Variants in SACS observed in about 807,000 individuals in gnomAD.
The protein encoded by SACS is sacsin.
SACS carries 197 observed loss-of-function variants against 348.0 expected under a neutral mutation model. That is an observed-to-expected ratio of 0.57 (90% CI 0.50 to 0.64). The LOEUF (loss-of-function observed/expected upper bound fraction) is 0.64, where lower values mean the gene tolerates loss of function less well. Ranked by LOEUF, SACS falls within the 30% of genes least tolerant of loss-of-function variation. The pLI is 0.00. For missense variants in SACS, 4,999 were observed against 5,360.8 expected (o/e 0.93, Z 2.11); for synonymous variants, 1,985 against 1,910.6 (o/e 1.04, Z -1.02).
rs766046681 is a variant in SACS, at chr13:23,334,776, C to A, written c.9100G>T (p.Glu3034Ter). ...TCTGCATTTTTAAGGTGTTGTAATT[C>A]ATCCTGTAGTAAATTGTCAAAAAAT... ...RPFFDNLLQD[E>*]LQHLKNADYN... is the part of the protein sequence containing the mutation. The change falls in exon 10 of 10, where the codon GAA becomes TAA. Residue 3034 changes from glutamate to a stop codon, truncating the protein, a stop_gained. Transcript: ENST00000382292. LOFTEE classifies it high-confidence loss of function. 1 of 1,613,710 alleles carries A rather than the reference C, an allele frequency of 6.2e-7. No individual in the cohort carries two copies. The highest frequency in any genetic ancestry group is 2.2e-5 in the East Asian group (1 of 44,868).
In SACS at chr13:23,375,239, G is replaced by A. The variant is rs763979020; in HGVS notation, c.51C>T (p.Cys17=). 150 of 1,483,422 alleles carry A rather than the reference G, an allele frequency of 1.0e-4. No individual in the cohort carries two copies. The highest frequency in any genetic ancestry group is 1.1e-4 in the Non-Finnish European group (119 of 1,114,638). The allele number at this position is 1,483,422 out of a possible 1,614,324, so 91.9% of individuals were successfully genotyped here. A position where few individuals can be genotyped will look rare whatever the true frequency, so the allele number is the denominator to read the frequency against. Residue 17 remains cysteine (C), a synonymous_variant, in exon 3 of 10, where the codon TGC becomes TGT. Transcript: ENST00000382292. ...GCGCCGCGACGGTCCTGCAGCCCAC[G>A]CAGCCGGGGAGCACGGTCACCGGGA... ...RWVPVTVLPG[C]VGCRTVAALA...
chr13:23,389,034 G>C (rs1262850316), intron 2 of SACS, among the ~76,000 whole-genome samples: 1 of 152,078 alleles, frequency 6.6e-6, no homozygotes, highest in Non-Finnish European at 1.5e-5. Flanking sequence ...GCATGGAGCT[G>C]AATGTCTTAC....
chr13:23,364,411 G>A (rs1870934507), intron 6 of SACS, among the ~76,000 whole-genome samples: 1 of 151,774 alleles, frequency 6.6e-6, no homozygotes, highest in Admixed American at 6.6e-5. Flanking sequence ...CTCCTGAGTA[G>A]CTGGGATTAC....
chr13:23,334,166 T>C lies in SACS; in HGVS notation c.9710A>G (p.Asn3237Ser), dbSNP rs746736867. 3.7e-6 allele frequency: 6 copies of C among 1,613,778 alleles called. No homozygotes were observed. Among genetic ancestry groups the C allele is most frequent in the South Asian group, 3.3e-5 (3 of 91,072 alleles). Residue 3237 changes from asparagine to serine, a missense_variant, in exon 10 of 10, where the codon AAT (asparagine) becomes AGT (serine). Transcript: ENST00000382292. ...CTTAAGCCAAGACTCACTTGCAAAA[T>C]TGTCTTTCCACTTTGTGCAACTTTT... Reference protein sequence around the residue: ...KTKSCTKWKDNFASESWLKNA... With the variant: ...KTKSCTKWKDSFASESWLKNA...
At chr13:23,414,211 G>A (rs1419856397) in intron 1 of SACS, among the ~76,000 whole-genome samples, 3 of 152,224 alleles carry the variant, frequency 2.0e-5, no homozygotes, top group Non-Finnish European at 2.9e-5. Flanking sequence ...GGCTGAGGCA[G>A]GAGAATGGTG....
intron 2 of SACS, among the ~76,000 whole-genome samples, chr13:23,407,960 A>G (rs1873306182): frequency 6.6e-6 from 1 of 152,158 alleles, no homozygotes; most frequent in African/African-American, 2.4e-5. Flanking sequence ...TTTTCCATGC[A>G]GTGACCCCTC....
intron 1 of SACS, among the ~76,000 whole-genome samples, chr13:23,417,450 A>G (rs151335342): frequency 2.0e-3 from 309 of 152,348 alleles, no homozygotes; most frequent in African/African-American, 7.1e-3. Context: ...CAAAGAGAGT[A>G]AAAGGCTCAG....
chr13:23,375,509 A>G (rs1042409786), intron 2 of SACS: 205 of 1,123,532 alleles, frequency 1.8e-4, no homozygotes, highest in Non-Finnish European at 2.2e-4. Flanking sequence ...GCCGAGGAGG[A>G]AACGCTAGAG....
At chr13:23,430,986 C>A (rs1874412973) in intron 1 of SACS, among the ~76,000 whole-genome samples, 2 of 152,098 alleles carry the variant, frequency 1.3e-5, no homozygotes. Flanking sequence ...GTGATGCTCC[C>A]CAAGGGAATC....
In SACS at chr13:23,337,131, C is replaced by A; in HGVS notation, c.6745G>T (p.Glu2249Ter). Residue 2249 changes from glutamate to a stop codon, truncating the protein, a stop_gained, in exon 10 of 10, where the codon GAA becomes TAA. Coordinates refer to ENST00000382292, the MANE Select transcript of SACS (RefSeq NM_014363.6). LOFTEE classifies it high-confidence loss of function. The stretch of plus-strand genomic sequence containing the variant: ...AAAAGACAAACTATATCTTGATGTT[C>A]AGCTGTATAAAGGTCAGTTGCTGCA... ...MFAATDLYTA[E>*]HQDIVCLLQP... 6.2e-7 allele frequency: 1 copy of A among 1,613,942 alleles called. No homozygotes were observed. Among genetic ancestry groups the A allele is most frequent in the South Asian group, 1.1e-5 (1 of 91,052 alleles).
At chr13:23,414,027 G>A (rs139548908) in intron 1 of SACS, among the ~76,000 whole-genome samples, 343 of 152,300 alleles carry the variant, frequency 2.3e-3, no homozygotes, top group African/African-American at 7.2e-3. Flanking sequence ...ACTTGGGGCC[G>A]TGCACAGTGG....
At position 23,358,497 on chromosome 13, in the gene SACS, C is replaced by A; in HGVS notation, c.458-16G>T. 6.2e-7 allele frequency: 1 copy of A among 1,613,764 alleles called. No homozygotes were observed. Among genetic ancestry groups the A allele is most frequent in the Non-Finnish European group, 8.5e-7 (1 of 1,179,944 alleles). On this transcript the variant is annotated splice_polypyrimidine_tract_variant and intron_variant, in intron 6 of 9. Transcript: ENST00000382292. ...AGAGCTGGCCCTAGGTGTGAAAATGCGCAGGCAGGAATTCAAAAAAGATAC... is the reference window on the plus strand; with the variant it reads ...AGAGCTGGCCCTAGGTGTGAAAATGAGCAGGCAGGAATTCAAAAAAGATAC...
rs1267345719 is a variant in SACS, at chr13:23,331,081, G to A, written c.12795C>T (p.Pro4265=). 1 of 1,614,058 alleles carries A rather than the reference G, an allele frequency of 6.2e-7. No individual in the cohort carries two copies. Among genetic ancestry groups the A allele is most frequent in the Admixed American group, 1.7e-5 (1 of 60,014 alleles). ...RDSAPSTPTS[P]TEFLTPGLRS... ...TCAGGCCAGGGGTGAGGAACTCAGTGGGGCTGGTTGGTGTAGAAGGAGCAC... is the reference window on the plus strand; with the variant it reads ...TCAGGCCAGGGGTGAGGAACTCAGTAGGGCTGGTTGGTGTAGAAGGAGCAC... The change falls in exon 10 of 10, where the codon CCC becomes CCT. Residue 4265 remains proline, a synonymous_variant. Transcript: ENST00000382292.
chr13:23,415,390 T>G (rs1219071229), intron 1 of SACS, among the ~76,000 whole-genome samples: 1 of 152,192 alleles, frequency 6.6e-6, no homozygotes, highest in Non-Finnish European at 1.5e-5. Context: ...AATTTAGAAT[T>G]CCAAACACTA....
Position 23,334,591 on chromosome 13 carries a change from AG to A in SACS, c.9284del (p.Pro3095LeufsTer8), listed in dbSNP as rs1463970507. 2 of 1,613,424 alleles carry A rather than the reference AG, an allele frequency of 1.2e-6. No individual in the cohort carries two copies. Among genetic ancestry groups the A allele is most frequent in the African/African-American group, 2.7e-5 (2 of 74,906 alleles). On this transcript the variant is annotated frameshift_variant, in exon 10 of 10. Transcript: ENST00000382292. LOFTEE classifies it high-confidence loss of function. ...DADIPVSYVT[P>X]ADIRSFLMTF... ...TCATTAAAAAAGATCTGATATCAGC[AG>A]GGGTCACATAACTAACAGGAATATC...
intron 9 of SACS, 171 bp downstream of exon 9, chr13:23,353,614 C>CA (rs1870113240): frequency 8.6e-6 from 5 of 579,256 alleles, no homozygotes; most frequent in Admixed American, 6.2e-5. Flanking sequence ...TTTTAGACAG[C>CA]ATCTCTTAGA....
intron 2 of SACS, among the ~76,000 whole-genome samples, chr13:23,400,857 C>A (rs77941710): frequency 0.017 from 2,623 of 152,278 alleles, 67 homozygotes; most frequent in African/African-American, 0.06. Flanking sequence ...CCTTGATCTA[C>A]AATTGACCTT....
At chr13:23,366,347 C>A (rs1871060614) in intron 5 of SACS, among the ~76,000 whole-genome samples, 2 of 152,282 alleles carry the variant, frequency 1.3e-5, no homozygotes, top group South Asian at 4.1e-4. Flanking sequence ...GTGTGGTACC[C>A]ACCAGCTGTT....
At position 23,330,313 on chromosome 13, in the gene SACS, A is replaced by G. The variant is rs766497653; in HGVS notation, c.13563T>C (p.Asn4521=). 3.4e-5 allele frequency: 55 copies of G among 1,614,056 alleles called. 1 individual carries two copies. The South Asian group carries it at 5.9e-4, about 17-fold the overall frequency. Residue 4521 remains asparagine, a synonymous_variant, in exon 10 of 10, where the codon AAT becomes AAC. Transcript: ENST00000382292. ...EYSQQLEGLT[N]DVHTLEAYGV... ...CATAAGCTTCCAATGTGTGAACATC[A>G]TTTGTCAGTCCTTCAAGTTGCTGAC...
Sources: gnomAD v4.1 joint callset for allele counts (sites outside exome capture counted in the v4.1 genomes callset) on GRCh38, gnomAD v4.1.1 for gene constraint, MANE v1.5 for transcripts, NCBI Gene and HGNC (gene_info 2026-07-23, HGNC 2026-07-21) for gene names.